The following PDSS2 variants were observed in gnomAD, a reference collection of about 807,000 sequenced individuals.
The protein encoded by PDSS2 is all trans-polyprenyl-diphosphate synthase PDSS2.
In PDSS2, 31 loss-of-function variants were observed where a neutral mutation model predicts 44.5. The observed-to-expected ratio is 0.70, with a 90% CI of 0.52 to 0.94. PDSS2 has a LOEUF of 0.94. Ranked by LOEUF, PDSS2 falls within the 40% of genes least tolerant of loss-of-function variation. The probability of loss-of-function intolerance (pLI) is 0.00; values close to 1 mark genes in which losing one functional copy is unlikely to be tolerated. For missense variants in PDSS2, 452 were observed against 482.2 expected (o/e 0.94, Z 0.59); for synonymous variants, 157 against 180.3 (o/e 0.87, Z 1.03).
At chr6:107,160,808 T>C (rs1771098809) in intron 7 of PDSS2, among the ~76,000 whole-genome samples, 1 of 152,096 alleles carries the variant, frequency 6.6e-6, no homozygotes, top group Non-Finnish European at 1.5e-5. Context: ...TTGCTGTTTC[T>C]TGGCTCACTG....
At chr6:107,368,008 C>T (rs975097799) in intron 1 of PDSS2, among the ~76,000 whole-genome samples, 5 of 152,028 alleles carry the variant, frequency 3.3e-5, no homozygotes, top group Non-Finnish European at 7.4e-5. Context: ...CGGTGGCTCA[C>T]GCCCGTAATC....
At chr6:107,228,929 C>T (rs934894537) in intron 4 of PDSS2, among the ~76,000 whole-genome samples, 3 of 151,936 alleles carry the variant, frequency 2.0e-5, no homozygotes, top group Non-Finnish European at 4.4e-5. Flanking sequence ...GAACAAATGC[C>T]CAGCAAACAA....
At chr6:107,203,845 A>C (rs1189294888) in intron 6 of PDSS2, among the ~76,000 whole-genome samples, 2 of 151,934 alleles carry the variant, frequency 1.3e-5, no homozygotes, top group Admixed American at 1.3e-4. Context: ...GGCAACCACC[A>C]GTCTTTTTTC....
chr6:107,412,474 A>G (rs9486611), intron 1 of PDSS2, among the ~76,000 whole-genome samples: 100,877 of 151,428 alleles, frequency 0.67, 34,991 homozygotes, highest in Non-Finnish European at 0.79. Flanking sequence ...TTTTGACCTC[A>G]GGTGATCCAC....
intron 1 of PDSS2, among the ~76,000 whole-genome samples, chr6:107,444,946 G>C (rs1372475018): frequency 2.6e-5 from 4 of 152,064 alleles, no homozygotes; most frequent in Admixed American, 6.6e-5. Flanking sequence ...AGCAAAAGGA[G>C]TATTTAAACA....
At chr6:107,346,639 T>C (rs1038088297) in intron 1 of PDSS2, among the ~76,000 whole-genome samples, 1 of 152,206 alleles carries the variant, frequency 6.6e-6, no homozygotes, top group African/African-American at 2.4e-5. Flanking sequence ...AATTATTTAA[T>C]GTATATCCAA....
chr6:107,186,132 G>C (rs1274845213), intron 7 of PDSS2, among the ~76,000 whole-genome samples: 1 of 152,200 alleles, frequency 6.6e-6, no homozygotes, highest in East Asian at 1.9e-4. Context: ...GTGACTTCCA[G>C]TGCTGTGTTA....
At chr6:107,180,734 GGTCA>G (rs774753596) in intron 7 of PDSS2, among the ~76,000 whole-genome samples, 2 of 151,994 alleles carry the variant, frequency 1.3e-5, no homozygotes, top group Non-Finnish European at 2.9e-5. Flanking sequence ...AATTTTTAGG[GGTCA>G]GTAATACAAA....
intron 7 of PDSS2, among the ~76,000 whole-genome samples, chr6:107,182,573 C>T (rs1298937042): frequency 4.6e-5 from 7 of 152,172 alleles, no homozygotes; most frequent in African/African-American, 1.4e-4. Context: ...GGTCTGCCCA[C>T]CTTGGTTTCC....
intron 4 of PDSS2, among the ~76,000 whole-genome samples, chr6:107,227,289 T>A (rs1464673018): frequency 6.6e-5 from 3 of 45,570 alleles, no homozygotes; most frequent in African/African-American, 2.7e-4. Context: ...TTTTTTTTTT[T>A]TTTTTTTTTT....
chr6:107,352,864 T>TCCC (rs1012148787), intron 1 of PDSS2, among the ~76,000 whole-genome samples: 1 of 152,038 alleles, frequency 6.6e-6, no homozygotes. Context: ...CTGATAGGCC[T>TCCC]CCCCCTCCCT....
At chr6:107,452,912 G>A (rs549077207) in intron 1 of PDSS2, among the ~76,000 whole-genome samples, 2 of 152,156 alleles carry the variant, frequency 1.3e-5, no homozygotes, top group East Asian at 1.9e-4. Flanking sequence ...TGATCTGCCC[G>A]CCTCGGCCTC....
At chr6:107,222,420 C>T (rs1315363858) in intron 4 of PDSS2, among the ~76,000 whole-genome samples, 2 of 151,922 alleles carry the variant, frequency 1.3e-5, no homozygotes, top group African/African-American at 4.8e-5. Context: ...TTTGGGAGGC[C>T]GAGGTGGGTG....
intron 1 of PDSS2, among the ~76,000 whole-genome samples, chr6:107,345,339 T>C (rs1169857691): frequency 6.7e-6 from 1 of 148,324 alleles, no homozygotes; most frequent in Non-Finnish European, 1.5e-5. Flanking sequence ...ATCTAGTATG[T>C]AGGCCTGTTT....
At chr6:107,254,194 T>C (rs1774928097) in intron 3 of PDSS2, among the ~76,000 whole-genome samples, 2 of 151,650 alleles carry the variant, frequency 1.3e-5, no homozygotes, top group African/African-American at 2.4e-5. Flanking sequence ...CCACCATACC[T>C]GGCTAATTTT....
intron 2 of PDSS2, among the ~76,000 whole-genome samples, chr6:107,317,568 T>C (rs1777240290): frequency 6.6e-6 from 1 of 152,288 alleles, no homozygotes; most frequent in Admixed American, 6.5e-5. Context: ...AGCATATAGA[T>C]TACAACCGTG....
At chr6:107,305,674 T>C (rs1241737220) in intron 2 of PDSS2, among the ~76,000 whole-genome samples, 1 of 152,214 alleles carries the variant, frequency 6.6e-6, no homozygotes, top group Non-Finnish European at 1.5e-5. Context: ...CTATTCCTAA[T>C]TACACCAATT....
At chr6:107,321,499 C>T (rs886615157) in intron 2 of PDSS2, among the ~76,000 whole-genome samples, 1 of 152,216 alleles carries the variant, frequency 6.6e-6, no homozygotes, top group Non-Finnish European at 1.5e-5. Flanking sequence ...AAATACACCA[C>T]GGCTTTTCCC....
Position 107,271,871 on chromosome 6 carries a change from A to G in PDSS2, c.630+2158T>C, listed in dbSNP as rs1047633690. Among the ~76,000 whole-genome samples, 5 of 152,174 alleles carry G rather than the reference A, an allele frequency of 3.3e-5. No individual in the cohort carries two copies. In the South Asian group the frequency reaches 1.0e-3, roughly 32 times the overall value. On this transcript the variant is annotated intron_variant, in intron 3 of 7. Coordinates refer to ENST00000369037, the MANE Select transcript of PDSS2 (RefSeq NM_020381.4). Reference sequence around the variant, plus strand: ...GGAGTTCAAGACCAGCCTGGGCAACATGGCGAAAGGCAAAAGCCCGTCTCT... The same window carrying G: ...GGAGTTCAAGACCAGCCTGGGCAACGTGGCGAAAGGCAAAAGCCCGTCTCT...
Sources: allele counts gnomAD v4.1 joint callset (sites outside exome capture counted in the v4.1 genomes callset), GRCh38; gene constraint gnomAD v4.1.1; transcripts MANE v1.5; gene names NCBI Gene and HGNC (gene_info 2026-07-23, HGNC 2026-07-21).